The following GNAT3 variants were observed in gnomAD, a reference collection of about 807,000 sequenced individuals.
GNAT3 encodes the protein guanine nucleotide-binding protein G(t) subunit alpha-3.
Under a neutral mutation model 37.7 loss-of-function variants are expected in GNAT3, and 31 were observed. That is an observed-to-expected ratio of 0.82 (90% confidence interval 0.62 to 1.11). The LOEUF is 1.11. Among genes scored for constraint, GNAT3 ranks in the 50% most tolerant of loss-of-function variants. The pLI is 0.00. For synonymous variants in GNAT3, 138 were observed against 139.8 expected (o/e 0.99, Z 0.09); for missense variants, 437 against 412.5 (o/e 1.06, Z -0.51).
At chr7:80,487,980 T>A (rs1790520640) in intron 3 of GNAT3, among the ~76,000 whole-genome samples, 1 of 152,114 alleles carries the variant, frequency 6.6e-6, no homozygotes, top group Non-Finnish European at 1.5e-5. Context: ...AGAAAATAAT[T>A]TTGTTGCTAC....
Position 80,462,271 on chromosome 7 carries a change from A to G in GNAT3, c.762T>C (p.Cys254=). ...AGGTTGTTGAAAAATACTTGTGATTACAGATACTGTTGAACAGGTGAAGGC... is the reference window on the plus strand; with the variant it reads ...AGGTTGTTGAAAAATACTTGTGATTGCAGATACTGTTGAACAGGTGAAGGC... The part of the protein sequence containing the change: ...HESLHLFNSI[C]NHKYFSTTSI... Residue 254 remains cysteine, a synonymous_variant, in exon 7 of 8, where the codon TGT becomes TGC. Transcript: ENST00000398291. The G allele has an allele frequency of 5.6e-6, 9 of 1,612,782 alleles. No homozygotes were observed. Among genetic ancestry groups the G allele is most frequent in the Non-Finnish European group, 6.8e-6 (8 of 1,178,950 alleles).
intron 1 of GNAT3, among the ~76,000 whole-genome samples, chr7:80,509,733 A>T (rs573534054): frequency 1.2e-4 from 19 of 152,090 alleles, no homozygotes; most frequent in South Asian, 1.0e-3. Flanking sequence ...TTCCAAATTT[A>T]AAAAAAATCT....
chr7:80,458,892 GATTA>G (rs772540801), intron 7 of GNAT3, 31 bp from the exon 8 acceptor site: 2 of 1,381,374 alleles, frequency 1.4e-6, no homozygotes, highest in South Asian at 2.7e-5. Flanking sequence ...AAGAAGTAAA[GATTA>G]ATCATATGTT....
At chr7:80,479,923 T>C (rs1032919961) in intron 3 of GNAT3, among the ~76,000 whole-genome samples, 4 of 152,080 alleles carry the variant, frequency 2.6e-5, no homozygotes, top group African/African-American at 9.7e-5. Flanking sequence ...AACAAATCAG[T>C]AGGACAGAGG....
intron 1 of GNAT3, among the ~76,000 whole-genome samples, chr7:80,497,314 A>C (rs1469347274): frequency 6.6e-6 from 1 of 152,080 alleles, no homozygotes; most frequent in Non-Finnish European, 1.5e-5. Flanking sequence ...CTCATTCAAA[A>C]ATGAATGAGC....
intron 5 of GNAT3, among the ~76,000 whole-genome samples, chr7:80,464,159 A>G (rs1375126701): frequency 7.4e-6 from 1 of 135,252 alleles, no homozygotes; most frequent in Non-Finnish European, 1.7e-5. Flanking sequence ...AAATGGATTC[A>G]GATATCCTAT....
intron 5 of GNAT3, 80 bp from the exon 6 acceptor site, chr7:80,462,711 A>G: frequency 9.5e-7 from 1 of 1,052,884 alleles, no homozygotes; most frequent in South Asian, 1.6e-5. Flanking sequence ...TTAGAGGTAT[A>G]AATGGGTGAT....
chr7:80,506,725 CATAAA>C (rs1790948936), intron 1 of GNAT3, among the ~76,000 whole-genome samples: 1 of 152,048 alleles, frequency 6.6e-6, no homozygotes, highest in African/African-American at 2.4e-5. Flanking sequence ...CCTCTAGAAA[CATAAA>C]ATAAATAATT....
chr7:80,463,744 C>CA (rs1231893299), intron 5 of GNAT3, among the ~76,000 whole-genome samples: 2 of 151,358 alleles, frequency 1.3e-5, no homozygotes, highest in Non-Finnish European at 3.0e-5. Flanking sequence ...AACAGGCATG[C>CA]AAAAAATATT....
chr7:80,483,598 C>T (rs775022283), intron 3 of GNAT3, among the ~76,000 whole-genome samples: 25 of 152,068 alleles, frequency 1.6e-4, no homozygotes, highest in Non-Finnish European at 2.9e-4. Flanking sequence ...CAAGGTTCTA[C>T]ATGTTTTGAT....
At chr7:80,499,287 CT>C (rs1554317798) in intron 1 of GNAT3, among the ~76,000 whole-genome samples, 1 of 152,158 alleles carries the variant, frequency 6.6e-6, no homozygotes, top group Non-Finnish European at 1.5e-5. Context: ...ATATCGCTTT[CT>C]TTTTTAAGTA....
At chr7:80,471,293 C>A (rs1790213077) in intron 5 of GNAT3, among the ~76,000 whole-genome samples, 1 of 151,234 alleles carries the variant, frequency 6.6e-6, no homozygotes, top group Non-Finnish European at 1.5e-5. Flanking sequence ...CCCACTGATT[C>A]AAATGTTAAT....
chr7:80,492,210 G>A (rs1790607189), intron 2 of GNAT3, among the ~76,000 whole-genome samples: 1 of 151,450 alleles, frequency 6.6e-6, no homozygotes, highest in African/African-American at 2.4e-5. Flanking sequence ...TGGGCATGGT[G>A]GCAGGCACCT....
intron 4 of GNAT3, among the ~76,000 whole-genome samples, 168 bp from the exon 5 acceptor site, chr7:80,474,547 G>C (rs1790274104): frequency 6.6e-6 from 1 of 151,964 alleles, no homozygotes; most frequent in Admixed American, 6.6e-5. Flanking sequence ...TTTAGCGTAG[G>C]TTCTATGAAA....
At chr7:80,460,468 C>G (rs1465043316) in intron 7 of GNAT3, among the ~76,000 whole-genome samples, 1 of 152,120 alleles carries the variant, frequency 6.6e-6, no homozygotes, top group Non-Finnish European at 1.5e-5. Flanking sequence ...AAATGATGGA[C>G]TTGGCCGGGG....
intron 4 of GNAT3, among the ~76,000 whole-genome samples, 164 bp from the exon 5 acceptor site, chr7:80,474,543 G>T (rs576383119): frequency 7.9e-5 from 12 of 152,000 alleles, no homozygotes; most frequent in Non-Finnish European, 1.2e-4. Flanking sequence ...AATTTTTAGC[G>T]TAGGTTCTAT....
At chr7:80,489,769 G>A (rs770075874) in intron 2 of GNAT3, among the ~76,000 whole-genome samples, 2 of 152,052 alleles carry the variant, frequency 1.3e-5, no homozygotes, top group African/African-American at 4.8e-5. Flanking sequence ...AGAAAAAAAT[G>A]CAGTAAAATG....
intron 2 of GNAT3, among the ~76,000 whole-genome samples, chr7:80,494,063 C>T (rs1790666793): frequency 6.6e-6 from 1 of 152,170 alleles, no homozygotes; most frequent in Admixed American, 6.5e-5. Context: ...CTTTACTTAT[C>T]AATTACCTTT....
intron 1 of GNAT3, among the ~76,000 whole-genome samples, chr7:80,508,606 T>C (rs752740450): frequency 3.9e-5 from 6 of 152,028 alleles, no homozygotes; most frequent in Non-Finnish European, 5.9e-5. Flanking sequence ...AATGTATGAG[T>C]CATCTCCAGT....
Sources: gnomAD v4.1 joint callset for allele counts (sites outside exome capture counted in the v4.1 genomes callset) on GRCh38, gnomAD v4.1.1 for gene constraint, MANE v1.5 for transcripts, NCBI Gene and HGNC (gene_info 2026-07-23, HGNC 2026-07-21) for gene names.